The following DOCK3 variants were observed in gnomAD, a reference collection of about 807,000 sequenced individuals.
DOCK3 encodes dedicator of cytokinesis 3, also known as dedicator of cytokinesis protein 3.
Under a neutral mutation model 265.6 loss-of-function variants are expected in DOCK3, and 60 were observed. The ratio of observed to expected loss-of-function variants is 0.23; its 90% CI spans 0.18 to 0.28. DOCK3 has a LOEUF of 0.28. DOCK3 is among the 10% of genes least tolerant of loss of function. DOCK3 has a pLI of 1.00. For missense variants in DOCK3, 1,981 were observed against 2,594.3 expected, an observed-to-expected ratio of 0.76 and a Z score of 5.14; for synonymous variants, 881 against 938.0, an observed-to-expected ratio of 0.94 and a Z score of 1.11.
intron 3 of DOCK3, 51 bp from the exon 4 acceptor site, chr3:50,889,975 T>A: frequency 6.8e-6 from 9 of 1,325,272 alleles, no homozygotes; most frequent in Non-Finnish European, 8.8e-6. Context: ...ATATATGAAA[T>A]GTTAATCACA....
intron 12 of DOCK3, among the ~76,000 whole-genome samples, chr3:51,203,473 C>T (rs2088955776): frequency 6.6e-6 from 1 of 152,176 alleles, no homozygotes; most frequent in African/African-American, 2.4e-5. Context: ...TGAAGGACCT[C>T]TTCAAGGAGA....
At chr3:51,068,202 A>G (rs2081677287) in intron 6 of DOCK3, among the ~76,000 whole-genome samples, 3 of 152,158 alleles carry the variant, frequency 2.0e-5, no homozygotes, top group African/African-American at 7.2e-5. Flanking sequence ...CTACATCACT[A>G]TGGCAAGTAC....
chr3:51,043,105 G>A (rs2080605205), intron 5 of DOCK3, among the ~76,000 whole-genome samples: 1 of 152,034 alleles, frequency 6.6e-6, no homozygotes, highest in South Asian at 2.1e-4. Flanking sequence ...TAAAATTCAT[G>A]TGTAACCAAA....
At chr3:51,043,438 A>G (rs1358974886) in intron 5 of DOCK3, among the ~76,000 whole-genome samples, 3 of 152,234 alleles carry the variant, frequency 2.0e-5, no homozygotes, top group Non-Finnish European at 2.9e-5. Flanking sequence ...AATTAACTCA[A>G]GATGGATAAA....
chr3:51,360,579 G>C lies in DOCK3; in HGVS notation c.4953G>C (p.Leu1651=). The change falls in exon 47 of 53, where the codon CTG becomes CTC. Residue 1651 remains leucine (L), a synonymous_variant. Transcript: ENST00000266037. ...SGTSTPRGNV[L]ASHSPMSPES... ...CCAGCACCCCACGGGGAAATGTTCTGGCATCCCATAGCCCCATGAGTCCGG... is the reference window on the plus strand; with the variant it reads ...CCAGCACCCCACGGGGAAATGTTCTCGCATCCCATAGCCCCATGAGTCCGG... 1.9e-6 allele frequency: 3 copies of C among 1,613,744 alleles called. No individual in the cohort carries two copies. The highest frequency in any genetic ancestry group is 1.7e-6 in the Non-Finnish European group (2 of 1,179,798).
At chr3:51,053,078 G>GATATATATAT (rs59382660) in intron 5 of DOCK3, among the ~76,000 whole-genome samples, 576 of 43,618 alleles carry the variant, frequency 0.013, 52 homozygotes, top group East Asian at 0.017. Context: ...AAAAGTCAAA[G>GATATATATAT]ATATATATAT....
chr3:51,211,793 C>T (rs2089517053), intron 13 of DOCK3, among the ~76,000 whole-genome samples: 1 of 152,178 alleles, frequency 6.6e-6, no homozygotes, highest in Non-Finnish European at 1.5e-5. Flanking sequence ...CAAGTCTTTG[C>T]TATTGTGAAT....
In DOCK3 at chr3:51,032,094, G is replaced by A. The variant is rs374916256; in HGVS notation, c.316-32354G>A. ...ATAGACATCAGTTTAAGATATTCTT[G>A]AGTGTCCTCAAGTACCTCCCTCCTC... On this transcript the variant is annotated intron_variant, in intron 5 of 52. Transcript: ENST00000266037. 2.3e-4 allele frequency among the ~76,000 whole-genome samples: 34 copies of A among 151,036 alleles called. 2 individuals carry two copies. In the South Asian group the frequency reaches 7.2e-3, roughly 32 times the overall value.
At position 51,112,721 on chromosome 3, in the gene DOCK3, T is replaced by C. The variant is rs576542107; in HGVS notation, c.746+22337T>C. Among the ~76,000 whole-genome samples the C allele has an allele frequency of 1.4e-4, 22 of 152,294 alleles. No homozygotes were observed. In the East Asian group the frequency reaches 3.9e-3, roughly 27 times the overall value. On this transcript the variant is annotated intron_variant, in intron 9 of 52. Coordinates refer to ENST00000266037, the MANE Select transcript of DOCK3 (RefSeq NM_004947.5). ...AGAAGCCATTAGCCACAGGAGGGTA[T>C]GCAAAAGGAGTGGACAGGTTTTAAA...
chr3:50,898,411 A>G (rs1004343254), intron 4 of DOCK3, among the ~76,000 whole-genome samples: 12 of 151,788 alleles, frequency 7.9e-5, no homozygotes, highest in African/African-American at 1.5e-4. Flanking sequence ...CTATTTTGTT[A>G]ATCTTTTCAA....
chr3:51,354,023 A>G (rs2086189012), intron 40 of DOCK3, among the ~76,000 whole-genome samples: 2 of 152,162 alleles, frequency 1.3e-5, no homozygotes, highest in South Asian at 4.1e-4. Flanking sequence ...AGTAAATGTG[A>G]CATAACATAA....
At chr3:50,943,550 CT>C (rs2076351438) in intron 5 of DOCK3, among the ~76,000 whole-genome samples, 1 of 151,896 alleles carries the variant, frequency 6.6e-6, no homozygotes. Flanking sequence ...ACTTAAGGGG[CT>C]AAGGTGTTAG....
intron 32 of DOCK3, among the ~76,000 whole-genome samples, chr3:51,325,418 G>A (rs1416816671): frequency 6.6e-6 from 1 of 152,224 alleles, no homozygotes; most frequent in African/African-American, 2.4e-5. Flanking sequence ...AACAACAGAT[G>A]CTGGAGAGGA....
At chr3:51,286,714 G>A (rs1460931747) in intron 27 of DOCK3, among the ~76,000 whole-genome samples, 8 of 152,106 alleles carry the variant, frequency 5.3e-5, no homozygotes, top group Admixed American at 5.2e-4. Flanking sequence ...AACAAGCAAT[G>A]GGGAAAAGAC....
chr3:51,356,506 T>G lies in DOCK3; in HGVS notation c.4503+13T>G, dbSNP rs371230907. The G allele has an allele frequency of 8.1e-6, 13 of 1,610,594 alleles. No homozygotes were observed. The highest frequency in any genetic ancestry group is 9.3e-6 in the Non-Finnish European group (11 of 1,179,140). On this transcript the variant is annotated intron_variant, in intron 43 of 52. Transcript: ENST00000266037. ...GAGGAGGGAACTGGTGAGACATGTC[T>G]CAGATGAAGCTGAGCTTCACAACTG... is the stretch of plus-strand genomic sequence containing the variant.
At chr3:50,865,756 G>C (rs1340762545) in intron 3 of DOCK3, among the ~76,000 whole-genome samples, 1 of 152,088 alleles carries the variant, frequency 6.6e-6, no homozygotes, top group Non-Finnish European at 1.5e-5. Context: ...TGTACTAATT[G>C]ACATTCCCAC....
At chr3:51,034,531 C>T (rs1243053775) in intron 5 of DOCK3, among the ~76,000 whole-genome samples, 1 of 151,962 alleles carries the variant, frequency 6.6e-6, no homozygotes, top group Non-Finnish European at 1.5e-5. Flanking sequence ...AAACATACAT[C>T]CTATTCTATT....
chr3:51,360,354 G>T (rs2086644963), intron 46 of DOCK3, among the ~76,000 whole-genome samples, 157 bp from the exon 47 acceptor site: 1 of 152,166 alleles, frequency 6.6e-6, no homozygotes, highest in Non-Finnish European at 1.5e-5. Context: ...CGTGAAGAGG[G>T]CATTGCCCAA....
intron 9 of DOCK3, among the ~76,000 whole-genome samples, chr3:51,118,826 G>T (rs1185146449): frequency 5.3e-5 from 8 of 151,176 alleles, no homozygotes; most frequent in Non-Finnish European, 7.4e-5. Context: ...CATTTGCTTG[G>T]TAAATATTCC....
Sources: allele counts gnomAD v4.1 joint callset (sites outside exome capture counted in the v4.1 genomes callset), GRCh38; gene constraint gnomAD v4.1.1; transcripts MANE v1.5; gene names NCBI Gene and HGNC (gene_info 2026-07-23, HGNC 2026-07-21).